ARB2A: variants seen among roughly 807,000 people sequenced by gnomAD.
ARB2A encodes ARB2 cotranscriptional regulator A.
the ARB2A span, among the ~76,000 whole-genome samples, chr5:94,110,436 T>C: frequency 1.3e-5 from 2 of 152,220 alleles, no homozygotes; most frequent in African/African-American, 4.8e-5. Context: ...TTCTACCATA[T>C]GGAGCAGCCA....
the ARB2A span, among the ~76,000 whole-genome samples, chr5:93,812,976 C>A: frequency 6.6e-6 from 1 of 152,142 alleles, no homozygotes; most frequent in Non-Finnish European, 1.5e-5. Flanking sequence ...GAGGAAGAGA[C>A]TAGAGCTTTC....
At chr5:93,950,767 A>G in the ARB2A span, among the ~76,000 whole-genome samples, 1 of 151,586 alleles carries the variant, frequency 6.6e-6, no homozygotes, top group Non-Finnish European at 1.5e-5. Flanking sequence ...ACAGGGTCAA[A>G]CCCTGTCTCT....
chr5:93,732,646 G>T, the ARB2A span, among the ~76,000 whole-genome samples: 1 of 149,878 alleles, frequency 6.7e-6, no homozygotes, highest in African/African-American at 2.5e-5. Flanking sequence ...ATATGGCTCC[G>T]TACTCCCCCA....
At chr5:93,659,853 C>T in the ARB2A span, among the ~76,000 whole-genome samples, 8 of 151,908 alleles carry the variant, frequency 5.3e-5, no homozygotes, top group South Asian at 2.1e-4. Context: ...TTCTTGCTTC[C>T]GCAGTACTAA....
the ARB2A span, among the ~76,000 whole-genome samples, chr5:93,900,438 C>A: frequency 6.6e-6 from 1 of 151,866 alleles, no homozygotes; most frequent in Non-Finnish European, 1.5e-5. Context: ...CGGTGAAACC[C>A]CGTCTCTACG....
the ARB2A span, among the ~76,000 whole-genome samples, chr5:93,714,424 T>C: frequency 3.3e-5 from 5 of 152,232 alleles, no homozygotes; most frequent in East Asian, 9.6e-4. Context: ...TCAGAAACTC[T>C]GAAAGCCTCC....
chr5:93,828,649 T>C, the ARB2A span, among the ~76,000 whole-genome samples: 134 of 152,342 alleles, frequency 8.8e-4, no homozygotes, highest in Non-Finnish European at 1.2e-3. Context: ...ACCATTTACA[T>C]GTTTTAATTC....
the ARB2A span, among the ~76,000 whole-genome samples, chr5:93,830,311 G>GTGTATGTGTGTATATATA: frequency 1.2e-5 from 1 of 82,260 alleles, no homozygotes; most frequent in Non-Finnish European, 2.4e-5. Flanking sequence ...GTGTGTGTGT[G>GTGTATGTGTGTATATATA]TATATATATA....
At chr5:93,737,969 C>T in the ARB2A span, 2 of 433,620 alleles carry the variant, frequency 4.6e-6, no homozygotes, top group African/African-American at 4.1e-5. Flanking sequence ...AATGGATAAG[C>T]TGGACTTAAT....
chr5:93,888,588 T>C, the ARB2A span, among the ~76,000 whole-genome samples: 1 of 151,820 alleles, frequency 6.6e-6, no homozygotes, highest in Non-Finnish European at 1.5e-5. Flanking sequence ...GTTGTGTAAA[T>C]ATAGTAGTTC....
chr5:93,673,808 G>A, the ARB2A span, among the ~76,000 whole-genome samples: 3 of 151,806 alleles, frequency 2.0e-5, no homozygotes, highest in Admixed American at 2.0e-4. Flanking sequence ...CATGGACAAG[G>A]GTCATTAACA....
At chr5:94,049,370 T>C in the ARB2A span, among the ~76,000 whole-genome samples, 3 of 152,112 alleles carry the variant, frequency 2.0e-5, no homozygotes, top group Admixed American at 6.5e-5. Flanking sequence ...AGAAAACTTA[T>C]TCATTCTGGC....
the ARB2A span, among the ~76,000 whole-genome samples, chr5:93,999,327 T>C: frequency 1.3e-5 from 2 of 151,964 alleles, no homozygotes; most frequent in African/African-American, 4.8e-5. Context: ...AATAAATGTC[T>C]GTATTCAGTG....
the ARB2A span, among the ~76,000 whole-genome samples, chr5:93,811,129 A>G: frequency 6.6e-6 from 1 of 152,146 alleles, no homozygotes; most frequent in African/African-American, 2.4e-5. Context: ...CCAGCGAGAT[A>G]TAAAAGGTCA....
At chr5:93,679,401 A>G in the ARB2A span, among the ~76,000 whole-genome samples, 103 of 152,150 alleles carry the variant, frequency 6.8e-4, no homozygotes, top group African/African-American at 2.2e-3. Context: ...GCACTTCTTT[A>G]TTATCTTCGA....
the ARB2A span, chr5:93,881,538 G>C: frequency 6.2e-7 from 1 of 1,610,500 alleles, no homozygotes; most frequent in Non-Finnish European, 8.5e-7. Context: ...AAATCACGTC[G>C]CTTCTTTGTT....
the ARB2A span, among the ~76,000 whole-genome samples, chr5:93,927,068 C>T: frequency 6.8e-6 from 1 of 147,678 alleles, no homozygotes; most frequent in African/African-American, 2.5e-5. Flanking sequence ...CTCTAAGAAA[C>T]AAATAAACTA....
chr5:94,061,251 A>T, the ARB2A span, among the ~76,000 whole-genome samples: 1 of 152,176 alleles, frequency 6.6e-6, no homozygotes, highest in African/African-American at 2.4e-5. Flanking sequence ...AAAGAAAAAA[A>T]AATCAACACT....
At chr5:93,837,376 T>C in the ARB2A span, among the ~76,000 whole-genome samples, 1 of 152,330 alleles carries the variant, frequency 6.6e-6, no homozygotes, top group East Asian at 1.9e-4. Flanking sequence ...GATGAGCATT[T>C]AGATTGATTC....
Sources: allele counts gnomAD v4.1 joint callset (sites outside exome capture counted in the v4.1 genomes callset), GRCh38; gene constraint gnomAD v4.1.1; transcripts MANE v1.5; gene names NCBI Gene and HGNC (gene_info 2026-07-23, HGNC 2026-07-21).